The following TLE1 variants were observed in gnomAD, a reference collection of about 807,000 sequenced individuals.
The protein encoded by TLE1 is TLE family member 1, transcriptional corepressor.
Under a neutral mutation model 89.8 loss-of-function variants are expected in TLE1, and 21 were observed. The observed-to-expected ratio is 0.23, with a 90% CI of 0.17 to 0.34. The LOEUF is 0.34. Among genes scored for constraint, TLE1 ranks in the 10% least tolerant of loss-of-function variants. The pLI, the probability that TLE1 is intolerant of heterozygous loss-of-function variation, is 1.00. For missense variants in TLE1, 795 were observed against 1,031.2 expected, an observed-to-expected ratio of 0.77 and a Z score of 3.14; for synonymous variants, 447 against 407.6, an observed-to-expected ratio of 1.10 and a Z score of -1.16.
chr9:81,636,763 G>A (rs1827415604), intron 6 of TLE1, among the ~76,000 whole-genome samples: 1 of 152,130 alleles, frequency 6.6e-6, no homozygotes, highest in Non-Finnish European at 1.5e-5. Flanking sequence ...CCAACACTTT[G>A]GGGGCCCAAG....
rs1360555160 is a variant in TLE1 at position 81,673,254 on chromosome 9, CAA to C, written c.234+12420_234+12421del. ...CGCCATTGCACTCCAGCCTGGGGGA[CAA>C]GAGCGAGACTTCATTTAAAAAAAAA... On this transcript the variant is annotated intron_variant, in intron 4 of 19. Coordinates refer to ENST00000376499, the MANE Select transcript of TLE1 (RefSeq NM_005077.5). 3.1e-5 allele frequency among the ~76,000 whole-genome samples: 3 copies of C among 97,734 alleles called. No homozygotes were observed. In the East Asian group the frequency reaches 1.0e-3, roughly 32 times the overall value. 64.1% of individuals were successfully genotyped at this position (97,734 alleles called of 152,430 possible).
At chr9:81,687,804 A>G (rs1834528576) in intron 1 of TLE1, among the ~76,000 whole-genome samples, 1 of 151,888 alleles carries the variant, frequency 6.6e-6, no homozygotes. Context: ...GGAGAAAAAC[A>G]ACTCCTTTAC....
chr9:81,688,108 G>A (rs540099734), intron 1 of TLE1, 109 bp downstream of exon 1: 34 of 1,423,136 alleles, frequency 2.4e-5, no homozygotes, highest in Non-Finnish European at 3.1e-5. Flanking sequence ...TTACACCGCT[G>A]AGGGCGAGAA....
chr9:81,621,147 G>A (rs1825196251), intron 8 of TLE1, among the ~76,000 whole-genome samples: 1 of 152,106 alleles, frequency 6.6e-6, no homozygotes, highest in Non-Finnish European at 1.5e-5. Context: ...TCTAAGGGGG[G>A]AATTTCAGCC....
At chr9:81,648,471 C>T (rs1829143612) in intron 6 of TLE1, among the ~76,000 whole-genome samples, 1 of 152,058 alleles carries the variant, frequency 6.6e-6, no homozygotes, top group Non-Finnish European at 1.5e-5. Context: ...TCAAGCTGTG[C>T]ATTTCACTAT....
At chr9:81,585,426 G>C in intron 18 of TLE1, 79 bp downstream of exon 18, 1 of 1,540,826 alleles carries the variant, frequency 6.5e-7, no homozygotes, top group Admixed American at 1.8e-5. Flanking sequence ...TCCAGATTAT[G>C]ATCTCTACCA....
At chr9:81,677,956 G>A (rs985049497) in intron 4 of TLE1, among the ~76,000 whole-genome samples, 7 of 152,104 alleles carry the variant, frequency 4.6e-5, no homozygotes, top group Non-Finnish European at 1.0e-4. Flanking sequence ...TAATTCAACG[G>A]ATAGAATTTT....
At chr9:81,616,785 A>G (rs1018406761) in intron 9 of TLE1, 86 bp from the exon 10 acceptor site, 5 of 1,523,438 alleles carry the variant, frequency 3.3e-6, no homozygotes, top group Non-Finnish European at 4.5e-6. Context: ...AGTTCCTGGT[A>G]GCAGACAGAC....
intron 4 of TLE1, among the ~76,000 whole-genome samples, chr9:81,682,358 C>T (rs924669565): frequency 6.6e-6 from 1 of 152,016 alleles, no homozygotes; most frequent in Non-Finnish European, 1.5e-5. Context: ...AGACTCTGAA[C>T]ACGTGCACAC....
intron 8 of TLE1, among the ~76,000 whole-genome samples, chr9:81,631,468 T>C (rs1298412981): frequency 1.3e-5 from 2 of 152,230 alleles, no homozygotes; most frequent in Non-Finnish European, 1.5e-5. Context: ...TATAGGACTT[T>C]TGCTGAAACT....
intron 13 of TLE1, among the ~76,000 whole-genome samples, chr9:81,610,829 C>T (rs1206916419): frequency 6.9e-6 from 1 of 145,384 alleles, no homozygotes; most frequent in Admixed American, 7.2e-5. Flanking sequence ...TCCCCAGTTG[C>T]ATACATGGGT....
At chr9:81,664,915 G>A (rs1209295977) in intron 4 of TLE1, among the ~76,000 whole-genome samples, 1 of 152,188 alleles carries the variant, frequency 6.6e-6, no homozygotes, top group Non-Finnish European at 1.5e-5. Flanking sequence ...GAGGCTCTTG[G>A]ACTGGGGAAC....
At chr9:81,637,201 T>C (rs1323004444) in intron 6 of TLE1, among the ~76,000 whole-genome samples, 4 of 151,700 alleles carry the variant, frequency 2.6e-5, no homozygotes, top group Non-Finnish European at 5.9e-5. Context: ...CTACTAAAAA[T>C]ATACAAATTA....
intron 6 of TLE1, among the ~76,000 whole-genome samples, chr9:81,648,478 C>T (rs911852193): frequency 1.3e-5 from 2 of 152,080 alleles, no homozygotes; most frequent in African/African-American, 4.8e-5. Context: ...GTGCATTTCA[C>T]TATATTACAA....
intron 11 of TLE1, among the ~76,000 whole-genome samples, chr9:81,615,011 A>G (rs933674076): frequency 6.9e-6 from 1 of 145,730 alleles, no homozygotes; most frequent in Admixed American, 7.0e-5. Context: ...CATGGCCAAC[A>G]TGAAACCCTG....
At chr9:81,605,365 G>A (rs1018565472) in intron 14 of TLE1, among the ~76,000 whole-genome samples, 1 of 152,060 alleles carries the variant, frequency 6.6e-6, no homozygotes, top group African/African-American at 2.4e-5. Flanking sequence ...AACAAAAAAT[G>A]GACTTGGATT....
chr9:81,673,054 C>G (rs1832425769), intron 4 of TLE1, among the ~76,000 whole-genome samples: 1 of 151,968 alleles, frequency 6.6e-6, no homozygotes, highest in African/African-American at 2.4e-5. Flanking sequence ...AGGCAGATTA[C>G]TTGAGGTCAG....
In TLE1 at chr9:81,620,566, C is replaced by T. The variant is rs1554676417; in HGVS notation, c.595-9G>A. ...ACCAGGAGGGAATTACTCTGCAAGA[C>T]AAAAAAATTAATCAAAGATTTCTTC... On this transcript the variant is annotated splice_polypyrimidine_tract_variant and intron_variant, in intron 8 of 19. Coordinates refer to ENST00000376499, the MANE Select transcript of TLE1 (RefSeq NM_005077.5). 6.3e-7 allele frequency: 1 copy of T among 1,599,082 alleles called. No homozygotes were observed. The highest frequency in any genetic ancestry group is 1.1e-5 in the South Asian group (1 of 87,616).
Position 81,633,219 on chromosome 9 carries a change from A to G in TLE1, c.594+129T>C, listed in dbSNP as rs902217109. The G allele has an allele frequency of 1.2e-5, 17 of 1,450,528 alleles. No individual in the cohort carries two copies. In the African/African-American group the frequency reaches 2.4e-4, roughly 20 times the overall value. 89.9% of individuals were successfully genotyped at this position (1,450,528 alleles called of 1,614,324 possible). A position where few individuals can be genotyped will look rare whatever the true frequency, so the allele number is the denominator to read the frequency against. ...AAAAGTAAAAGAAAAAAGCCAGGTC[A>G]CTGAGAGAGACAGGGAGAGTGTGCA... On this transcript the variant is annotated intron_variant, in intron 8 of 19. Coordinates refer to ENST00000376499, the MANE Select transcript of TLE1 (RefSeq NM_005077.5).
Sources: gnomAD v4.1 joint callset for allele counts (sites outside exome capture counted in the v4.1 genomes callset) on GRCh38, gnomAD v4.1.1 for gene constraint, MANE v1.5 for transcripts, NCBI Gene and HGNC (gene_info 2026-07-23, HGNC 2026-07-21) for gene names.